The following BBS9 variants were observed in gnomAD, a reference collection of about 807,000 sequenced individuals.
BBS9 encodes protein PTHB1.
A neutral mutation model predicts 117.7 loss-of-function variants in BBS9; 89 were observed. The observed-to-expected ratio is 0.76, with a 90% CI of 0.64 to 0.90. BBS9 has a LOEUF of 0.90. Ranked by LOEUF, BBS9 falls within the 40% of genes least tolerant of loss-of-function variation. The probability of loss-of-function intolerance (pLI) is 0.00; values close to 1 mark genes in which losing one functional copy is unlikely to be tolerated. For synonymous variants in BBS9, 379 were observed against 370.9 expected, an observed-to-expected ratio of 1.02 and a Z score of -0.25; for missense variants, 982 against 1,042.2, an observed-to-expected ratio of 0.94 and a Z score of 0.80.
chr7:33,270,559 C>T (rs1244087745), intron 7 of BBS9, among the ~76,000 whole-genome samples: 1 of 152,036 alleles, frequency 6.6e-6, no homozygotes, highest in African/African-American at 2.4e-5. Context: ...TACAAGAATT[C>T]GTAATGTAAT....
chr7:33,276,640 G>A (rs183373704), intron 9 of BBS9, among the ~76,000 whole-genome samples: 2 of 151,994 alleles, frequency 1.3e-5, no homozygotes. Flanking sequence ...TAGTCATCCG[G>A]CAAAAAAAGA....
intron 19 of BBS9, among the ~76,000 whole-genome samples, chr7:33,427,357 G>C (rs963769942): frequency 6.6e-6 from 1 of 152,176 alleles, no homozygotes; most frequent in Admixed American, 6.5e-5. Flanking sequence ...GATAAGAATA[G>C]AGTGGCTGGG....
At chr7:33,280,331 C>T (rs1052806898) in intron 9 of BBS9, among the ~76,000 whole-genome samples, 5 of 152,170 alleles carry the variant, frequency 3.3e-5, no homozygotes, top group African/African-American at 1.2e-4. Context: ...CACTCCCTCC[C>T]TCCCCACTCT....
intron 4 of BBS9, among the ~76,000 whole-genome samples, chr7:33,168,959 G>T (rs1352205855): frequency 7.1e-6 from 1 of 140,402 alleles, no homozygotes; most frequent in Non-Finnish European, 1.5e-5. Context: ...ATCCCTCCCC[G>T]CTCCCCCCAC....
chr7:33,465,858 A>T lies in BBS9; in HGVS notation c.2116-39605A>T, dbSNP rs372805810. ...GTTGCTGACAGTTAACTGGACTATT[A>T]ACTTGAAAAAATACCCTTTCTAGCA... On this transcript the variant is annotated intron_variant, in intron 19 of 22. Coordinates refer to ENST00000242067, the MANE Select transcript of BBS9 (RefSeq NM_198428.3). 2.1e-3 allele frequency among the ~76,000 whole-genome samples: 317 copies of T among 152,270 alleles called. 6 individuals carry two copies. In the South Asian group the frequency reaches 0.039, roughly 19 times the overall value.
chr7:33,274,303 T>A (rs1450838042), intron 9 of BBS9, among the ~76,000 whole-genome samples: 3 of 152,226 alleles, frequency 2.0e-5, no homozygotes, highest in Non-Finnish European at 4.4e-5. Context: ...CATTTATTGA[T>A]AGACTGTGAC....
rs532423513 is a variant in BBS9 at position 33,558,456 on chromosome 7, G to A, written c.2521+24280G>A. ...CTAGACATTCCAGAGAGAGGGAACA[G>A]GGCAGGCAAAGGATTCAAAGGAGGT... On this transcript the variant is annotated intron_variant, in intron 21 of 22. Transcript: ENST00000242067. 1.1e-4 allele frequency among the ~76,000 whole-genome samples: 17 copies of A among 152,308 alleles called. No homozygotes were observed. In the South Asian group the frequency reaches 3.5e-3, roughly 32 times the overall value.
chr7:33,290,555 G>A (rs903631553), intron 9 of BBS9, among the ~76,000 whole-genome samples: 2 of 152,014 alleles, frequency 1.3e-5, no homozygotes, highest in Non-Finnish European at 2.9e-5. Flanking sequence ...CTAAAGCATC[G>A]ACATTAAAAA....
intron 9 of BBS9, among the ~76,000 whole-genome samples, chr7:33,287,005 A>C (rs962421266): frequency 6.6e-6 from 1 of 152,082 alleles, no homozygotes; most frequent in African/African-American, 2.4e-5. Context: ...AAGAACTTAG[A>C]ACTTTGGGCT....
chr7:33,175,313 T>C (rs74577858), intron 4 of BBS9, among the ~76,000 whole-genome samples: 2 of 140,986 alleles, frequency 1.4e-5, no homozygotes, highest in East Asian at 4.1e-4. Context: ...AAAATAAAAA[T>C]AAAAAAAAAA....
intron 21 of BBS9, among the ~76,000 whole-genome samples, chr7:33,567,310 A>G (rs1243076044): frequency 6.6e-6 from 1 of 152,180 alleles, no homozygotes; most frequent in Non-Finnish European, 1.5e-5. Context: ...TATTCCATAT[A>G]TCTCCCTGGA....
chr7:33,275,247 A>G (rs1162158808), intron 9 of BBS9, among the ~76,000 whole-genome samples: 3 of 152,202 alleles, frequency 2.0e-5, no homozygotes, highest in South Asian at 2.1e-4. Flanking sequence ...GAAAAAACAT[A>G]TAATTCTAAT....
At chr7:33,221,501 A>C (rs187637483) in intron 5 of BBS9, among the ~76,000 whole-genome samples, 83 of 152,322 alleles carry the variant, frequency 5.4e-4, no homozygotes, top group Non-Finnish European at 9.4e-4. Context: ...TAACAAGAAA[A>C]AAAAATTAGG....
At chr7:33,526,748 C>T (rs1320301808) in intron 20 of BBS9, among the ~76,000 whole-genome samples, 6 of 151,136 alleles carry the variant, frequency 4.0e-5, no homozygotes, top group African/African-American at 7.3e-5. Context: ...TCTCTCAGCT[C>T]GTCAAAGTCA....
At chr7:33,219,640 G>C (rs908248601) in intron 5 of BBS9, among the ~76,000 whole-genome samples, 6 of 152,092 alleles carry the variant, frequency 3.9e-5, no homozygotes, top group Non-Finnish European at 7.4e-5. Flanking sequence ...TGGACACTCC[G>C]TATCTAGCTA....
At chr7:33,185,889 A>G (rs1005307440) in intron 5 of BBS9, among the ~76,000 whole-genome samples, 2 of 152,204 alleles carry the variant, frequency 1.3e-5, no homozygotes, top group African/African-American at 4.8e-5. Flanking sequence ...AAAATGAACT[A>G]ACACTAGATG....
chr7:33,562,087 A>C (rs1361206283), intron 21 of BBS9, among the ~76,000 whole-genome samples: 2 of 152,206 alleles, frequency 1.3e-5, no homozygotes, highest in Admixed American at 6.5e-5. Context: ...TAGGAATATA[A>C]GTAGTAGTAT....
intron 19 of BBS9, among the ~76,000 whole-genome samples, chr7:33,407,945 A>G (rs1830354342): frequency 6.6e-6 from 1 of 152,190 alleles, no homozygotes; most frequent in Non-Finnish European, 1.5e-5. Context: ...GCATGCTGGG[A>G]GAACCACTGC....
intron 9 of BBS9, among the ~76,000 whole-genome samples, chr7:33,293,319 T>G (rs1385947181): frequency 6.6e-6 from 1 of 152,020 alleles, no homozygotes; most frequent in Non-Finnish European, 1.5e-5. Context: ...AATTATACAG[T>G]ATCCTGATGC....
Sources: gnomAD v4.1 joint callset for allele counts (sites outside exome capture counted in the v4.1 genomes callset) on GRCh38, gnomAD v4.1.1 for gene constraint, MANE v1.5 for transcripts, NCBI Gene and HGNC (gene_info 2026-07-23, HGNC 2026-07-21) for gene names.